The following NEK11 variants were observed in gnomAD, a reference collection of about 807,000 sequenced individuals.
The protein encoded by NEK11 is NIMA related kinase 11, also known as serine/threonine-protein kinase Nek11.
In NEK11, 72 loss-of-function variants were observed where a neutral mutation model predicts 80.7. The ratio of observed to expected loss-of-function variants is 0.89; its 90% CI spans 0.74 to 1.08. The LOEUF (loss-of-function observed/expected upper bound fraction) is 1.08. NEK11 is among the 50% of genes least tolerant of loss of function. The pLI is 0.00. For missense variants in NEK11, 764 were observed against 763.6 expected, an observed-to-expected ratio of 1.00 and a Z score of -0.01; for synonymous variants, 251 against 260.7, an observed-to-expected ratio of 0.96 and a Z score of 0.36.
At chr3:131,202,376 C>T (rs778603081) in intron 14 of NEK11, among the ~76,000 whole-genome samples, 4 of 152,076 alleles carry the variant, frequency 2.6e-5, no homozygotes, top group African/African-American at 7.2e-5. Flanking sequence ...CTGGGAAAAT[C>T]GGGACACTGC....
chr3:131,231,746 T>C (rs927966952), intron 15 of NEK11, among the ~76,000 whole-genome samples: 1 of 151,930 alleles, frequency 6.6e-6, no homozygotes, highest in African/African-American at 2.4e-5. Context: ...TGGTCAACTT[T>C]GTGAATTGAG....
intron 4 of NEK11, among the ~76,000 whole-genome samples, chr3:131,102,691 T>C (rs2078575372): frequency 6.6e-6 from 1 of 152,202 alleles, no homozygotes; most frequent in Non-Finnish European, 1.5e-5. Flanking sequence ...CAAGGTTCTC[T>C]GTATTTATTC....
chr3:131,164,609 CTG>C (rs150466844), intron 11 of NEK11, among the ~76,000 whole-genome samples: 197 of 152,220 alleles, frequency 1.3e-3, no homozygotes, highest in African/African-American at 4.5e-3. Context: ...TACATTAAAA[CTG>C]TTTTTTAATA....
At chr3:131,092,028 A>G (rs185419166) in intron 4 of NEK11, among the ~76,000 whole-genome samples, 1 of 152,352 alleles carries the variant, frequency 6.6e-6, no homozygotes, top group Non-Finnish European at 1.5e-5. Flanking sequence ...GTTTGTTTAC[A>G]TACTACGTTA....
chr3:131,100,504 A>G (rs1422996007), intron 4 of NEK11, among the ~76,000 whole-genome samples: 3 of 152,230 alleles, frequency 2.0e-5, no homozygotes, highest in South Asian at 2.1e-4. Context: ...TGGGAGGCCA[A>G]GGTTGCAATG....
At position 131,183,605 on chromosome 3, in the gene NEK11, G is replaced by T. The variant is rs912905212; in HGVS notation, c.1399+12718G>T. Among the ~76,000 whole-genome samples, 5 of 152,176 alleles carry T rather than the reference G, an allele frequency of 3.3e-5. No homozygotes were observed. In the South Asian group the frequency reaches 6.2e-4, roughly 19 times the overall value. The stretch of plus-strand genomic sequence containing the variant: ...CCAGCTCCATCTATGTCCCTGCAAA[G>T]TACATGACCTCATTCCTTTTTATGG... On this transcript the variant is annotated intron_variant, in intron 14 of 17. Coordinates refer to ENST00000383366, the MANE Select transcript of NEK11 (RefSeq NM_024800.5).
At chr3:131,126,959 C>CT (rs71133688) in intron 5 of NEK11, among the ~76,000 whole-genome samples, 4,630 of 89,974 alleles carry the variant, frequency 0.051, 503 homozygotes, top group African/African-American at 0.15. Flanking sequence ...TTCTTTCTTT[C>CT]TTTTTTTTTT....
At chr3:131,268,922 T>A (rs1399341133) in intron 16 of NEK11, among the ~76,000 whole-genome samples, 5 of 152,172 alleles carry the variant, frequency 3.3e-5, no homozygotes, top group Non-Finnish European at 5.9e-5. Flanking sequence ...TTATCTTTAA[T>A]CCCCTGACTG....
chr3:131,263,342 G>C (rs2095971669), intron 16 of NEK11, among the ~76,000 whole-genome samples: 1 of 152,058 alleles, frequency 6.6e-6, no homozygotes, highest in Non-Finnish European at 1.5e-5. Context: ...CCCATTTCTT[G>C]TTTTTGTCAG....
chr3:131,338,761 G>C (rs2097238096), intron 17 of NEK11, among the ~76,000 whole-genome samples: 2 of 152,164 alleles, frequency 1.3e-5, no homozygotes, highest in Non-Finnish European at 2.9e-5. Flanking sequence ...CATTCTGAAT[G>C]ATTCCATTCA....
intron 17 of NEK11, among the ~76,000 whole-genome samples, chr3:131,310,222 C>T (rs976756184): frequency 1.3e-5 from 2 of 151,626 alleles, no homozygotes; most frequent in Admixed American, 1.3e-4. Context: ...TCTATTGTAC[C>T]CTTGAGTCTC....
At chr3:131,251,792 G>A (rs548173405) in intron 16 of NEK11, among the ~76,000 whole-genome samples, 1 of 152,114 alleles carries the variant, frequency 6.6e-6, no homozygotes, top group South Asian at 2.1e-4. Flanking sequence ...GACCTCTTAT[G>A]TTACCAGAAC....
chr3:131,069,771 G>T (rs2148904534), intron 3 of NEK11, among the ~76,000 whole-genome samples: 1 of 147,656 alleles, frequency 6.8e-6, no homozygotes, highest in East Asian at 2.0e-4. Context: ...GGTGGGAACT[G>T]AACAATGAGA....
intron 14 of NEK11, chr3:131,174,897 C>T: frequency 6.8e-7 from 1 of 1,479,980 alleles, no homozygotes; most frequent in Non-Finnish European, 8.9e-7. Context: ...GTGAAGTAGG[C>T]CTTGGCTGCT....
intron 7 of NEK11, among the ~76,000 whole-genome samples, chr3:131,148,542 G>A (rs1055795492): frequency 6.6e-6 from 1 of 151,772 alleles, no homozygotes; most frequent in East Asian, 1.9e-4. Context: ...AGAAGATAAA[G>A]GTAGCCACTG....
chr3:131,160,898 A>G (rs1342560672), intron 10 of NEK11, among the ~76,000 whole-genome samples: 1 of 152,180 alleles, frequency 6.6e-6, no homozygotes, highest in Admixed American at 6.5e-5. Flanking sequence ...CATGCACCCA[A>G]TACAGGAGCA....
intron 14 of NEK11, among the ~76,000 whole-genome samples, chr3:131,226,385 A>G (rs2095197298): frequency 6.6e-6 from 1 of 152,208 alleles, no homozygotes; most frequent in Non-Finnish European, 1.5e-5. Flanking sequence ...GTTTATGTTT[A>G]TCACAACACA....
chr3:131,152,150 A>G (rs967850783), intron 7 of NEK11, among the ~76,000 whole-genome samples: 1 of 152,094 alleles, frequency 6.6e-6, no homozygotes, highest in African/African-American at 2.4e-5. Flanking sequence ...ATTCTTTGAT[A>G]AAAAAGCTGT....
chr3:131,132,809 G>C lies in NEK11; in HGVS notation c.520G>C (p.Gly174Arg). The C allele has an allele frequency of 2.1e-6, 3 of 1,396,416 alleles. No individual in the cohort carries two copies. The South Asian group carries it at 3.8e-5, about 18-fold the overall frequency. The allele number at this position is 1,396,416 out of a possible 1,614,324, so 86.5% of individuals were successfully genotyped here. A position where few individuals can be genotyped will look rare whatever the true frequency, so the allele number is the denominator to read the frequency against. ...VFLKNNLLKI[G>R]DFGVSRLLMG... ...TCTGAAAAATAATCTCCTTAAAATT[G>C]GTAAGATTTTAAAAAGTATGAATTC... Residue 174 changes from glycine to arginine, a missense_variant and splice_region_variant, in exon 6 of 18, where the codon GGA becomes CGA. Physicochemically the swap from Gly to Arg is moderately radical, Grantham distance 125. Transcript: ENST00000383366.
Sources: gnomAD v4.1 joint callset for allele counts (sites outside exome capture counted in the v4.1 genomes callset) on GRCh38, gnomAD v4.1.1 for gene constraint, MANE v1.5 for transcripts, NCBI Gene and HGNC (gene_info 2026-07-23, HGNC 2026-07-21) for gene names.